The following AP3B1 variants were observed in gnomAD, a reference collection of about 807,000 sequenced individuals.
AP3B1 encodes the protein adaptor related protein complex 3 subunit beta 1, also known as AP-3 complex subunit beta-1.
A neutral mutation model predicts 132.5 loss-of-function variants in AP3B1; 61 were observed. The ratio of observed to expected loss-of-function variants is 0.46; its 90% CI spans 0.37 to 0.57. AP3B1 has a LOEUF of 0.57. Ranked by LOEUF, AP3B1 falls within the 20% of genes least tolerant of loss-of-function variation. AP3B1 has a pLI of 0.00. For synonymous variants in AP3B1, 388 were observed against 438.3 expected (o/e 0.89, Z 1.43); for missense variants, 1,120 against 1,289.4 (o/e 0.87, Z 2.01).
At chr5:78,267,456 T>TA in intron 2 of AP3B1, 64 bp downstream of exon 2, 1 of 761,928 alleles carries the variant, frequency 1.3e-6, no homozygotes, top group Non-Finnish European at 2.1e-6. Flanking sequence ...TATATATATA[T>TA]ATAATAATAT....
chr5:78,261,610 C>T (rs1029845637), intron 2 of AP3B1, among the ~76,000 whole-genome samples: 10 of 152,154 alleles, frequency 6.6e-5, no homozygotes, highest in Admixed American at 2.6e-4. Context: ...GGATTACAGG[C>T]GCCCGCCACC....
Position 78,139,855 on chromosome 5 carries a change from G to A in AP3B1, c.1650+1288C>T, listed in dbSNP as rs189973972. Among the ~76,000 whole-genome samples, 461 of 152,152 alleles carry A rather than the reference G, an allele frequency of 3.0e-3. 2 individuals carry two copies. The highest frequency in any genetic ancestry group is 0.011 in the African/African-American group (438 of 41,514). ...TGACAAACACACTGGACTGTAGTACGGGGGCGGGGCACGAAGGGATGAAGG... is the reference window on the plus strand; with the variant it reads ...TGACAAACACACTGGACTGTAGTACAGGGGCGGGGCACGAAGGGATGAAGG... On this transcript the variant is annotated intron_variant, in intron 15 of 26. Transcript: ENST00000255194.
intron 22 of AP3B1, among the ~76,000 whole-genome samples, chr5:78,081,911 AAAAC>A (rs1750026476): frequency 6.6e-6 from 1 of 150,694 alleles, no homozygotes; most frequent in African/African-American, 2.5e-5. Context: ...ATAAAAAAAA[AAAAC>A]AGTTATAATC....
intron 19 of AP3B1, among the ~76,000 whole-genome samples, chr5:78,113,158 T>A (rs1414973999): frequency 6.6e-6 from 1 of 152,202 alleles, no homozygotes; most frequent in East Asian, 1.9e-4. Flanking sequence ...GACCATCATG[T>A]CGGCAGAGGC....
intron 20 of AP3B1, among the ~76,000 whole-genome samples, chr5:78,102,934 CTTA>C (rs1308864974): frequency 2.6e-5 from 4 of 152,090 alleles, no homozygotes; most frequent in Non-Finnish European, 1.5e-5. Context: ...GGCATAATCT[CTTA>C]TTAGAAGCCT....
At chr5:78,235,747 CACAG>C (rs1424514504) in intron 3 of AP3B1, among the ~76,000 whole-genome samples, 2 of 152,238 alleles carry the variant, frequency 1.3e-5, no homozygotes, top group Non-Finnish European at 2.9e-5. Flanking sequence ...GCTGGAAGAA[CACAG>C]ACAGATCTGT....
chr5:78,235,382 C>T (rs1467201171), intron 3 of AP3B1, among the ~76,000 whole-genome samples: 2 of 152,162 alleles, frequency 1.3e-5, no homozygotes, highest in African/African-American at 4.8e-5. Flanking sequence ...ATTGGCAACA[C>T]TGAAACATTC....
At chr5:78,238,719 A>G (rs1746986373) in intron 3 of AP3B1, among the ~76,000 whole-genome samples, 1 of 152,082 alleles carries the variant, frequency 6.6e-6, no homozygotes, top group Non-Finnish European at 1.5e-5. Context: ...GAAATTTTAA[A>G]ATGTTTCTAG....
intron 14 of AP3B1, among the ~76,000 whole-genome samples, chr5:78,154,232 T>C (rs1024428033): frequency 2.0e-5 from 3 of 152,330 alleles, no homozygotes; most frequent in East Asian, 1.9e-4. Context: ...GATATACTAT[T>C]CTAGGGTAAA....
chr5:78,001,677 CT>C (rs1384459129), downstream of AP3B1: 1 of 152,104 alleles, frequency 6.6e-6, no homozygotes, highest in Non-Finnish European at 1.5e-5. Context: ...TCTTTTCAGC[CT>C]TCCTATAATG....
intron 18 of AP3B1, among the ~76,000 whole-genome samples, chr5:78,114,697 G>A (rs1253119353): frequency 6.6e-6 from 1 of 152,178 alleles, no homozygotes; most frequent in African/African-American, 2.4e-5. Context: ...TGTGATCTAT[G>A]TAACGAAGCC....
intron 1 of AP3B1, among the ~76,000 whole-genome samples, chr5:78,278,614 AAAAAAAAAAAAGG>A (rs1282674242): frequency 7.4e-6 from 1 of 135,888 alleles, no homozygotes; most frequent in African/African-American, 2.8e-5. Flanking sequence ...AAAAAAAAAA[AAAAAAAAAAAAGG>A]GGGGGGGGGA....
At chr5:78,119,913 G>T in intron 17 of AP3B1, among the ~76,000 whole-genome samples, 1 of 152,140 alleles carries the variant, frequency 6.6e-6, no homozygotes, top group East Asian at 1.9e-4. Context: ...TTGAAATGAA[G>T]GAAAAAACGT....
At chr5:78,110,034 A>G (rs1397972065) in intron 20 of AP3B1, among the ~76,000 whole-genome samples, 173 bp downstream of exon 20, 1 of 152,194 alleles carries the variant, frequency 6.6e-6, no homozygotes, top group Non-Finnish European at 1.5e-5. Context: ...CCTTGATTTC[A>G]GTGGCAAGGG....
chr5:78,249,152 C>T (rs564769505), intron 2 of AP3B1, among the ~76,000 whole-genome samples: 4 of 151,982 alleles, frequency 2.6e-5, no homozygotes, highest in South Asian at 4.2e-4. Flanking sequence ...ATCAGGAGTT[C>T]GAGACCAGCC....
chr5:78,212,352 ATTAT>A (rs1745776175), intron 7 of AP3B1, among the ~76,000 whole-genome samples: 2 of 152,144 alleles, frequency 1.3e-5, no homozygotes, highest in African/African-American at 4.8e-5. Flanking sequence ...GCATCACAGT[ATTAT>A]TTTTCACATT....
At position 78,141,301 on chromosome 5, in the gene AP3B1, T is replaced by C; in HGVS notation, c.1492A>G (p.Ser498Gly). The C allele has an allele frequency of 6.2e-7, 1 of 1,613,596 alleles. No individual in the cohort carries two copies. The highest frequency in any genetic ancestry group is 8.5e-7 in the Non-Finnish European group (1 of 1,179,672). Residue 498 changes from serine to glycine, a missense_variant, in exon 15 of 27, where the codon AGT becomes GGT. By Grantham distance (56) the Ser-to-Gly change is moderately conservative (BLOSUM62 0). This residue lies in a region of AP3B1 where 906 missense variants were observed against 997.1 expected (regional missense o/e 0.91). Coordinates refer to ENST00000255194, the MANE Select transcript of AP3B1 (RefSeq NM_003664.5). ...TTTTCTCCAATTAGCCAAAGAATAC[T>C]TGCTCTAGCAACAGGAACCTAATAT... is the stretch of plus-strand genomic sequence containing the variant. ...DSITVPVARA[S>G]ILWLIGENCE...
intron 6 of AP3B1, among the ~76,000 whole-genome samples, chr5:78,221,250 C>T (rs1746166625): frequency 6.6e-6 from 1 of 152,028 alleles, no homozygotes; most frequent in Admixed American, 6.6e-5. Flanking sequence ...AATCAAATCA[C>T]CAATCCTGTC....
intron 7 of AP3B1, among the ~76,000 whole-genome samples, chr5:78,200,428 C>T (rs1580477361): frequency 6.6e-6 from 1 of 152,124 alleles, no homozygotes; most frequent in East Asian, 1.9e-4. Flanking sequence ...GAGGCTGAGG[C>T]AGGCGAATCA....
Sources: gnomAD v4.1 joint callset for allele counts (sites outside exome capture counted in the v4.1 genomes callset) on GRCh38, gnomAD v4.1.1 for gene constraint, gnomAD v4.1.1 regional missense constraint, MANE v1.5 for transcripts, NCBI Gene and HGNC (gene_info 2026-07-23, HGNC 2026-07-21) for gene names.